ADARB2: variants seen among roughly 807,000 people sequenced by gnomAD.
ADARB2 encodes the protein adenosine deaminase RNA specific B2 (inactive), also known as inactive double-stranded RNA-specific editase B2.
A neutral mutation model predicts 62.2 loss-of-function variants in ADARB2; 25 were observed. The observed-to-expected ratio is 0.40, with a 90% CI of 0.29 to 0.56. ADARB2 has a LOEUF of 0.56. ADARB2 is among the 20% of genes least tolerant of loss of function. The pLI is 0.43. For synonymous variants in ADARB2, 572 were observed against 500.8 expected, an observed-to-expected ratio of 1.14 and a Z score of -1.90; for missense variants, 1,071 against 1,077.4, an observed-to-expected ratio of 0.99 and a Z score of 0.08.
intron 3 of ADARB2, among the ~76,000 whole-genome samples, chr10:1,299,086 TATG>T (rs993934952): frequency 6.6e-6 from 1 of 151,694 alleles, no homozygotes; most frequent in Non-Finnish European, 1.5e-5. Flanking sequence ...GATTCTCCCT[TATG>T]ATGATAGTGA....
chr10:1,545,604 T>C (rs1006620038), intron 1 of ADARB2, among the ~76,000 whole-genome samples: 1 of 152,030 alleles, frequency 6.6e-6, no homozygotes, highest in Admixed American at 6.5e-5. Context: ...CCAGGAAGGG[T>C]CCTCGTGGAG....
At chr10:1,259,749 G>C (rs943451904) in intron 4 of ADARB2, among the ~76,000 whole-genome samples, 13 of 152,248 alleles carry the variant, frequency 8.5e-5, no homozygotes, top group African/African-American at 2.2e-4. Flanking sequence ...CATTCCTTCT[G>C]AAACTATTCC....
At chr10:1,205,556 A>G in intron 7 of ADARB2, among the ~76,000 whole-genome samples, 1 of 152,230 alleles carries the variant, frequency 6.6e-6, no homozygotes. Context: ...GCACACCCCC[A>G]GGCTCTGCGG....
chr10:1,351,328 T>C (rs139338312), intron 3 of ADARB2, among the ~76,000 whole-genome samples: 22,229 of 152,108 alleles, frequency 0.15, 1,887 homozygotes, highest in South Asian at 0.23. Flanking sequence ...ATACGGAGGC[T>C]ACCCACTCCA....
rs367995994 is a variant in ADARB2 at position 1,664,218 on chromosome 10, CTGT to C, written c.100+72830_100+72832del. On this transcript the variant is annotated intron_variant, in intron 1 of 9. Coordinates refer to ENST00000381312, the MANE Select transcript of ADARB2 (RefSeq NM_018702.4). ...TTTCTGTGTGTCCGTGTTTCCATGCCTGTTGGTCAGTGTGTGGGTTTCTGTGTG... is the reference window on the plus strand; with the variant it reads ...TTTCTGTGTGTCCGTGTTTCCATGCCTGGTCAGTGTGTGGGTTTCTGTGTG... Among the ~76,000 whole-genome samples the C allele has an allele frequency of 3.3e-3, 509 of 152,080 alleles. 3 individuals are homozygous for C. Among genetic ancestry groups the C allele is most frequent in the African/African-American group, 0.012 (480 of 41,462 alleles).
intron 1 of ADARB2, among the ~76,000 whole-genome samples, chr10:1,658,093 TCTC>T (rs1450015467): frequency 6.6e-6 from 1 of 150,440 alleles, no homozygotes; most frequent in Non-Finnish European, 1.5e-5. Flanking sequence ...TCTGTCTGAT[TCTC>T]TCTCTCTGTC....
chr10:1,349,568 A>G (rs1426066056), intron 3 of ADARB2, among the ~76,000 whole-genome samples: 1 of 152,136 alleles, frequency 6.6e-6, no homozygotes, highest in Non-Finnish European at 1.5e-5. Flanking sequence ...TTTTAAATCC[A>G]GTAAGTGGCC....
intron 3 of ADARB2, among the ~76,000 whole-genome samples, chr10:1,296,524 G>T (rs1426950392): frequency 2.6e-5 from 4 of 152,216 alleles, no homozygotes. Context: ...TTGAGGGACA[G>T]GCCTGGTGCA....
chr10:1,389,748 A>AAAAT (rs141695100), intron 1 of ADARB2, among the ~76,000 whole-genome samples: 18,317 of 146,346 alleles, frequency 0.13, 1,290 homozygotes, highest in African/African-American at 0.18. Context: ...CTCTGACTCA[A>AAAAT]AAATAAATAA....
intron 4 of ADARB2, among the ~76,000 whole-genome samples, chr10:1,258,625 T>A (rs1020119015): frequency 2.6e-5 from 4 of 152,198 alleles, no homozygotes; most frequent in Non-Finnish European, 4.4e-5. Context: ...ATGCATCCAA[T>A]ACAGGAGCAC....
intron 3 of ADARB2, 67 bp from the exon 4 acceptor site, chr10:1,271,136 G>C: frequency 4.8e-6 from 6 of 1,243,472 alleles, no homozygotes; most frequent in Non-Finnish European, 6.9e-6. Context: ...ATGGGGCACT[G>C]TCCTCCCCGT....
intron 1 of ADARB2, among the ~76,000 whole-genome samples, chr10:1,436,131 G>A (rs1830832491): frequency 6.6e-6 from 1 of 152,100 alleles, no homozygotes; most frequent in Non-Finnish European, 1.5e-5. Flanking sequence ...GTGTGTGTAC[G>A]TGATATGTGT....
chr10:1,480,546 A>C (rs1831455049), intron 1 of ADARB2, among the ~76,000 whole-genome samples: 1 of 152,074 alleles, frequency 6.6e-6, no homozygotes, highest in Non-Finnish European at 1.5e-5. Flanking sequence ...AAAATACAAA[A>C]AATTAGCTGG....
chr10:1,676,910 C>T (rs774703962), intron 1 of ADARB2, among the ~76,000 whole-genome samples: 2 of 152,170 alleles, frequency 1.3e-5, no homozygotes, highest in African/African-American at 2.4e-5. Context: ...TCATGGGTCA[C>T]TGTGGAGTGG....
In ADARB2 at chr10:1,728,248, G is replaced by C. The variant is rs545059362; in HGVS notation, c.100+8803C>G. Among the ~76,000 whole-genome samples, 22 of 152,292 alleles carry C rather than the reference G, an allele frequency of 1.4e-4. No homozygotes were observed. In the South Asian group the frequency reaches 4.6e-3, roughly 32 times the overall value. On this transcript the variant is annotated intron_variant, in intron 1 of 9. Transcript: ENST00000381312. ...TGCACAAAGGGAGACTTTAAACAATGATGTTTTGCAATTTTTACAATTAAG... is the reference window on the plus strand; with the variant it reads ...TGCACAAAGGGAGACTTTAAACAATCATGTTTTGCAATTTTTACAATTAAG...
At chr10:1,632,079 A>C (rs1452310712) in intron 1 of ADARB2, among the ~76,000 whole-genome samples, 1 of 152,248 alleles carries the variant, frequency 6.6e-6, no homozygotes, top group African/African-American at 2.4e-5. Flanking sequence ...TATACATCTT[A>C]GAAACATCCT....
At chr10:1,206,820 A>G (rs1837073842) in intron 7 of ADARB2, among the ~76,000 whole-genome samples, 1 of 151,962 alleles carries the variant, frequency 6.6e-6, no homozygotes, top group Admixed American at 6.6e-5. Context: ...CTGGAGTTCC[A>G]GTTCTTACCT....
At chr10:1,580,105 T>C (rs1018501731) in intron 1 of ADARB2, among the ~76,000 whole-genome samples, 6 of 152,222 alleles carry the variant, frequency 3.9e-5, no homozygotes, top group African/African-American at 1.4e-4. Context: ...CAGATTTCTT[T>C]CTTATTTTTA....
intron 1 of ADARB2, among the ~76,000 whole-genome samples, chr10:1,604,950 G>C (rs913021703): frequency 2.0e-5 from 3 of 152,216 alleles, no homozygotes; most frequent in Admixed American, 6.5e-5. Flanking sequence ...ACTCAGAAAA[G>C]AGATAAAAAG....
Sources: allele counts gnomAD v4.1 joint callset (sites outside exome capture counted in the v4.1 genomes callset), GRCh38; gene constraint gnomAD v4.1.1; transcripts MANE v1.5; gene names NCBI Gene and HGNC (gene_info 2026-07-23, HGNC 2026-07-21).